Variants in PLEKHA2 observed in about 807,000 individuals in gnomAD.
The protein encoded by PLEKHA2 is pleckstrin homology domain-containing family A member 2.
In PLEKHA2, 28 loss-of-function variants were observed where a neutral mutation model predicts 53.2. That is an observed-to-expected ratio of 0.53 (90% CI 0.39 to 0.72). The LOEUF is 0.72. Among genes scored for constraint, PLEKHA2 ranks in the 30% least tolerant of loss-of-function variants. PLEKHA2 has a pLI of 0.00. For synonymous variants in PLEKHA2, 193 were observed against 196.4 expected (o/e 0.98, Z 0.14); for missense variants, 426 against 537.9 (o/e 0.79, Z 2.06).
intron 3 of PLEKHA2, among the ~76,000 whole-genome samples, chr8:38,937,577 G>A (rs975121773): frequency 3.9e-5 from 6 of 152,142 alleles, no homozygotes; most frequent in South Asian, 2.1e-4. Context: ...GCTCAGATGA[G>A]GGTTTTAGAG....
chr8:38,945,986 A>G (rs1028678754), intron 4 of PLEKHA2, 138 bp from the exon 5 acceptor site: 13 of 664,316 alleles, frequency 2.0e-5, no homozygotes, highest in Non-Finnish European at 3.4e-5. Context: ...ATGACTTAGC[A>G]TCATGGGAGA....
At chr8:38,956,776 A>AGT in intron 9 of PLEKHA2, among the ~76,000 whole-genome samples, 1 of 152,276 alleles carries the variant, frequency 6.6e-6, no homozygotes, top group East Asian at 1.9e-4. Flanking sequence ...GAGACTCTGG[A>AGT]GTCAGACCTA....
intron 10 of PLEKHA2, among the ~76,000 whole-genome samples, chr8:38,968,058 G>C (rs1835173478): frequency 1.3e-5 from 2 of 152,144 alleles, no homozygotes; most frequent in South Asian, 4.1e-4. Flanking sequence ...TGTATTCTGA[G>C]AAAAGCCCCA....
At chr8:38,935,229 G>A (rs989971787) in intron 2 of PLEKHA2, among the ~76,000 whole-genome samples, 1 of 151,786 alleles carries the variant, frequency 6.6e-6, no homozygotes, top group Non-Finnish European at 1.5e-5. Context: ...GGCTGGTCTC[G>A]AACTCCTGAC....
At chr8:38,936,544 G>A (rs1226817837) in intron 3 of PLEKHA2, among the ~76,000 whole-genome samples, 1 of 152,234 alleles carries the variant, frequency 6.6e-6, no homozygotes, top group Non-Finnish European at 1.5e-5. Context: ...GCCCTGAGAA[G>A]CCACTCAGAT....
In PLEKHA2 at chr8:38,905,458, TAA is replaced by T. The variant is rs34178207; in HGVS notation, c.-24+4024_-24+4025del. On this transcript the variant is annotated intron_variant, in intron 1 of 11. Transcript: ENST00000617275. ...GGGCACCAGAGCGAGACCCTGCCTC[TAA>T]AAAAAAAAAATTTTTTTTAAATACT... 2.1e-3 allele frequency among the ~76,000 whole-genome samples: 304 copies of T among 147,610 alleles called. 2 individuals carry two copies. Among genetic ancestry groups the T allele is most frequent in the African/African-American group, 6.8e-3 (271 of 40,144 alleles).
chr8:38,946,273 G>C, intron 5 of PLEKHA2, 52 bp downstream of exon 5: 2 of 1,470,646 alleles, frequency 1.4e-6, no homozygotes, highest in Non-Finnish European at 1.9e-6. Context: ...CCTCTTCCCA[G>C]GCTATGGCCT....
At chr8:38,914,760 G>C (rs1416744691) in intron 1 of PLEKHA2, among the ~76,000 whole-genome samples, 1 of 152,218 alleles carries the variant, frequency 6.6e-6, no homozygotes, top group Non-Finnish European at 1.5e-5. Context: ...TTGGGGAGCA[G>C]GATAGAGCTC....
chr8:38,925,587 G>A (rs935310698), intron 2 of PLEKHA2, among the ~76,000 whole-genome samples: 1 of 152,170 alleles, frequency 6.6e-6, no homozygotes, highest in Non-Finnish European at 1.5e-5. Context: ...CAAAAAGATT[G>A]CATGGCTCTT....
intron 11 of PLEKHA2, 111 bp from the exon 12 acceptor site, chr8:38,969,310 G>T: frequency 7.8e-7 from 1 of 1,287,566 alleles, no homozygotes; most frequent in Non-Finnish European, 1.1e-6. Flanking sequence ...AAGCATCCTT[G>T]GACTTATGAG....
chr8:38,948,538 G>C (rs186901452), intron 5 of PLEKHA2, among the ~76,000 whole-genome samples: 39 of 152,282 alleles, frequency 2.6e-4, no homozygotes, highest in Non-Finnish European at 5.1e-4. Flanking sequence ...GGGTAGGGAG[G>C]GGGCAGAGGA....
At position 38,971,740 on chromosome 8, in the gene PLEKHA2, GGT is replaced by G. The variant is rs1835252916; in HGVS notation, c.*1958_*1959del. 2 of 152,142 alleles carry G rather than the reference GGT, an allele frequency of 1.3e-5. No individual in the cohort carries two copies. The highest frequency in any genetic ancestry group is 6.5e-5 in the Admixed American group (1 of 15,276). 9.4% of individuals were successfully genotyped at this position (152,142 alleles called of 1,614,324 possible). On this transcript the variant is annotated 3_prime_UTR_variant, in exon 12 of 12. Transcript: ENST00000617275. ...GGAGGCCGAGGCGAGCGGATCACGA[GGT>G]CAGGAGATCGAGACCGCGGTGAAAC...
chr8:38,925,296 G>A lies in PLEKHA2; in HGVS notation c.141+7226G>A, dbSNP rs144545859. On this transcript the variant is annotated intron_variant, in intron 2 of 11. Coordinates refer to ENST00000617275, the MANE Select transcript of PLEKHA2 (RefSeq NM_021623.2). ...AGAGGAGATGAAATTCCTTAGGGCC[G>A]CCCTACTCTAGTACAGCAATCTGCA... Among the ~76,000 whole-genome samples the A allele has an allele frequency of 4.2e-3, 638 of 152,260 alleles. 7 individuals are homozygous for A. Among genetic ancestry groups the A allele is most frequent in the African/African-American group, 0.014 (577 of 41,552 alleles).
At chr8:38,905,234 GA>G (rs1564097220) in intron 1 of PLEKHA2, among the ~76,000 whole-genome samples, 1 of 152,058 alleles carries the variant, frequency 6.6e-6, no homozygotes. Context: ...AGGTGGGGGG[GA>G]TCACTTGAGG....
chr8:38,935,899 C>A, intron 2 of PLEKHA2, 95 bp from the exon 3 acceptor site: 1 of 1,192,960 alleles, frequency 8.4e-7, no homozygotes, highest in Non-Finnish European at 1.2e-6. Flanking sequence ...TCAGTGTTGC[C>A]AGGAAAGTGG....
In PLEKHA2 at chr8:38,943,816, C is replaced by A; in HGVS notation, c.226C>A (p.Pro76Thr). The change falls in exon 4 of 12, where the codon CCA becomes ACA. Residue 76 changes from proline (P) to threonine (T), a missense_variant. By Grantham distance (38) the Pro-to-Thr change is conservative (BLOSUM62 -1). Coordinates refer to ENST00000617275, the MANE Select transcript of PLEKHA2 (RefSeq NM_021623.2). ...GAGCATAGCTACCCCAAAACAGAAACCAAAAACTCCATTTTGCTTTGGTAA... is the reference window on the plus strand; with the variant it reads ...GAGCATAGCTACCCCAAAACAGAAAACAAAAACTCCATTTTGCTTTGGTAA... ...KVSIATPKQK[P>T]KTPFCFVINA... The A allele has an allele frequency of 6.3e-7, 1 of 1,582,082 alleles. No individual in the cohort carries two copies. Among genetic ancestry groups the A allele is most frequent in the Non-Finnish European group, 8.6e-7 (1 of 1,163,588 alleles).
In PLEKHA2 at chr8:38,918,065, C is replaced by T. The variant is rs1351269147; in HGVS notation, c.136C>T (p.Pro46Ser). The T allele has an allele frequency of 1.9e-6, 3 of 1,612,530 alleles. No homozygotes were observed. Among genetic ancestry groups the T allele is most frequent in the East Asian group, 2.2e-5 (1 of 44,854 alleles). Residue 46 changes from proline (P) to serine (S), a missense_variant, in exon 2 of 12, where the codon CCC (proline) becomes TCC (serine). Pro to Ser is a moderately conservative substitution (Grantham distance 74). Transcript: ENST00000617275. ...CTGCCTCCTCTGGTATATGGACAAC[C>T]CCCAGGTGAGAGGGTCAGTGGGAAG... Reference protein sequence around the residue: ...ANCLLWYMDNPQNLAMGAGAV... With the variant: ...ANCLLWYMDNSQNLAMGAGAV...
rs775819102 is a variant in PLEKHA2 at position 38,952,247 on chromosome 8, G to A, written c.568G>A (p.Gly190Ser). The A allele has an allele frequency of 1.2e-6, 2 of 1,612,826 alleles. No homozygotes were observed. Among genetic ancestry groups the A allele is most frequent in the Non-Finnish European group, 1.7e-6 (2 of 1,179,552 alleles). ...GTCTCAGAGTTACATCCCCACGTCAGGCTGCCGTGCTTCCACTGGGCCTCC... is the reference window on the plus strand; with the variant it reads ...GTCTCAGAGTTACATCCCCACGTCAAGCTGCCGTGCTTCCACTGGGCCTCC... ...RRSQSYIPTS[G>S]CRASTGPPLI... The change falls in exon 7 of 12, where the codon GGC becomes AGC. Residue 190 changes from glycine to serine, a missense_variant. Transcript: ENST00000617275.
chr8:38,955,642 G>A (rs1169671124), intron 9 of PLEKHA2, among the ~76,000 whole-genome samples: 2 of 152,154 alleles, frequency 1.3e-5, no homozygotes, highest in Non-Finnish European at 2.9e-5. Context: ...TCTTGCTCAT[G>A]GATCTCTGGT....
Sources: gnomAD v4.1 joint callset for allele counts (sites outside exome capture counted in the v4.1 genomes callset) on GRCh38, gnomAD v4.1.1 for gene constraint, MANE v1.5 for transcripts, NCBI Gene and HGNC (gene_info 2026-07-23, HGNC 2026-07-21) for gene names.